The following ACAD10 variants were observed in gnomAD, a reference collection of about 807,000 sequenced individuals.
The protein encoded by ACAD10 is acyl-CoA dehydrogenase family member 10, also known as ACAD-10.
In ACAD10, 112 loss-of-function variants were observed where a neutral mutation model predicts 116.8. The observed-to-expected ratio is 0.96, with a 90% CI of 0.82 to 1.12. ACAD10 has a LOEUF of 1.12. ACAD10 is among the 50% of genes most tolerant of loss of function. The pLI, the probability that ACAD10 is intolerant of heterozygous loss-of-function variation, is 0.00. For synonymous variants in ACAD10, 486 were observed against 510.6 expected (o/e 0.95, Z 0.65); for missense variants, 1,259 against 1,350.2 (o/e 0.93, Z 1.06).
At chr12:111,693,732 C>T (rs1888118134) in intron 2 of ACAD10, among the ~76,000 whole-genome samples, 2 of 152,068 alleles carry the variant, frequency 1.3e-5, no homozygotes, top group Non-Finnish European at 2.9e-5. Flanking sequence ...CTTTACCAGC[C>T]CCTTCCTGGT....
chr12:111,750,153 G>A (rs1353064106), intron 18 of ACAD10, among the ~76,000 whole-genome samples: 3 of 148,222 alleles, frequency 2.0e-5, no homozygotes, highest in Non-Finnish European at 3.0e-5. Context: ...GTGCAGTGGC[G>A]CGATCTTGGC....
intron 8 of ACAD10, 105 bp from the exon 9 acceptor site, chr12:111,727,857 C>T: frequency 8.4e-7 from 1 of 1,188,262 alleles, no homozygotes; most frequent in Non-Finnish European, 1.2e-6. Context: ...TCTTCACCAG[C>T]TCTCAACCTG....
intron 19 of ACAD10, among the ~76,000 whole-genome samples, chr12:111,755,364 C>T (rs1045966637): frequency 2.0e-5 from 3 of 152,100 alleles, no homozygotes; most frequent in Non-Finnish European, 4.4e-5. Context: ...CCTCGGCCTC[C>T]CAAAGTGCTG....
chr12:111,720,862 C>T (rs1240356757), intron 7 of ACAD10, among the ~76,000 whole-genome samples: 1 of 152,034 alleles, frequency 6.6e-6, no homozygotes, highest in Non-Finnish European at 1.5e-5. Flanking sequence ...TGGCTCATTG[C>T]AACCTCCGCC....
chr12:111,694,879 G>A (rs1323154055), intron 2 of ACAD10, among the ~76,000 whole-genome samples: 2 of 152,048 alleles, frequency 1.3e-5, no homozygotes, highest in Non-Finnish European at 2.9e-5. Flanking sequence ...TACAAAAAGC[G>A]TACCTGGGCA....
chr12:111,748,958 C>G, intron 17 of ACAD10: 1 of 1,526,036 alleles, frequency 6.6e-7, no homozygotes, highest in Non-Finnish European at 9.0e-7. Context: ...AAAGGAATCA[C>G]AGAATAGTCA....
rs1398955492 is a variant in ACAD10 at position 111,746,165 on chromosome 12, C to G, written c.2137C>G (p.Leu713Val). The change falls in exon 14 of 21, where the codon CTT becomes GTT. Residue 713 changes from leucine (L) to valine (V), a missense_variant. Coordinates refer to ENST00000313698, the MANE Select transcript of ACAD10 (RefSeq NM_025247.6). ...ATAGGAGAAAGCCAAAGCTGAAGGA[C>G]TTTGGAACCTTTTCCTACCCTTAGA... is the stretch of plus-strand genomic sequence containing the variant. Reference protein sequence around the residue: ...DLKEKAKAEGLWNLFLPLEAD... With the variant: ...DLKEKAKAEGVWNLFLPLEAD... 1 of 1,613,630 alleles carries G rather than the reference C, an allele frequency of 6.2e-7. No individual in the cohort carries two copies. The highest frequency in any genetic ancestry group is 8.5e-7 in the Non-Finnish European group (1 of 1,179,908).
At chr12:111,727,664 A>T (rs1358654871) in intron 8 of ACAD10, among the ~76,000 whole-genome samples, 1 of 152,240 alleles carries the variant, frequency 6.6e-6, no homozygotes. Context: ...CAAATGAACC[A>T]GGGAGAAGAG....
intron 18 of ACAD10, among the ~76,000 whole-genome samples, chr12:111,751,887 T>C (rs1890081191): frequency 6.7e-6 from 1 of 150,238 alleles, no homozygotes; most frequent in African/African-American, 2.5e-5. Context: ...AGAGAAACCC[T>C]GTCTCTACTA....
Position 111,736,915 on chromosome 12 carries a change from C to A in ACAD10, c.1625C>A (p.Pro542His). 1 of 1,614,190 alleles carries A rather than the reference C, an allele frequency of 6.2e-7. No individual in the cohort carries two copies. Among genetic ancestry groups the A allele is most frequent in the Non-Finnish European group, 8.5e-7 (1 of 1,180,030 alleles). Residue 542 changes from proline (P) to histidine (H), a missense_variant, in exon 12 of 21, where the codon CCT becomes CAT. Physicochemically the swap from Pro to His is moderately conservative, Grantham distance 77. Coordinates refer to ENST00000313698, the MANE Select transcript of ACAD10 (RefSeq NM_025247.6). ...ATGTACTGTCTCCAAATGGGGCTCC[C>A]TCCCACTGAGAACTGGAACTTCTAT... ...FRMYCLQMGL[P>H]PTENWNFYMA...
intron 11 of ACAD10, among the ~76,000 whole-genome samples, chr12:111,736,408 C>T (rs1203319706): frequency 6.6e-6 from 1 of 151,742 alleles, no homozygotes; most frequent in Non-Finnish European, 1.5e-5. Context: ...TCAGGCCGGT[C>T]TTGAACTCCT....
chr12:111,747,743 G>A (rs1027445885), intron 16 of ACAD10: 1 of 1,081,228 alleles, frequency 9.2e-7, no homozygotes, highest in South Asian at 3.0e-5. Flanking sequence ...ACATCCTAAG[G>A]GCTAATGACA....
intron 9 of ACAD10, among the ~76,000 whole-genome samples, chr12:111,729,236 A>G (rs568952060): frequency 6.6e-6 from 1 of 152,154 alleles, no homozygotes; most frequent in East Asian, 1.9e-4. Context: ...ATTAGGAAGC[A>G]CAGAAGATCT....
At chr12:111,739,720 C>G (rs1328755466) in intron 12 of ACAD10, among the ~76,000 whole-genome samples, 1 of 151,780 alleles carries the variant, frequency 6.6e-6, no homozygotes, top group Non-Finnish European at 1.5e-5. Flanking sequence ...ATTGCATCAC[C>G]GCAGTCTAGC....
chr12:111,743,368 T>TG (rs201163432), intron 12 of ACAD10, among the ~76,000 whole-genome samples: 130 of 147,318 alleles, frequency 8.8e-4, no homozygotes, highest in East Asian at 7.7e-3. Flanking sequence ...GGAAATATTC[T>TG]GTTTTTTTTT....
chr12:111,691,098 T>A (rs1888027480), intron 1 of ACAD10: 1 of 152,238 alleles, frequency 6.6e-6, no homozygotes, highest in Non-Finnish European at 1.5e-5. Context: ...GATCTCCCGT[T>A]ATACCTTTCA....
chr12:111,710,419 G>T, intron 5 of ACAD10: 1 of 352,584 alleles, frequency 2.8e-6, no homozygotes. Flanking sequence ...TTTCATCGTC[G>T]AGCTGATGGG....
chr12:111,707,278 T>C (rs1264219486), intron 4 of ACAD10, among the ~76,000 whole-genome samples: 1 of 150,740 alleles, frequency 6.6e-6, no homozygotes, highest in Non-Finnish European at 1.5e-5. Context: ...TTATGAATAT[T>C]AGAGACTGGG....
chr12:111,706,640 G>A (rs1389561510), intron 4 of ACAD10, among the ~76,000 whole-genome samples: 4 of 151,098 alleles, frequency 2.6e-5, no homozygotes, highest in Non-Finnish European at 4.4e-5. Context: ...AGTAGAGACG[G>A]GGGTTTCACC....
Sources: allele counts gnomAD v4.1 joint callset (sites outside exome capture counted in the v4.1 genomes callset), GRCh38; gene constraint gnomAD v4.1.1; transcripts MANE v1.5; gene names NCBI Gene and HGNC (gene_info 2026-07-23, HGNC 2026-07-21).